ADK: variants seen among roughly 807,000 people sequenced by gnomAD.
The protein encoded by ADK is adenosine kinase, also known as N6,N6-dimethyladenosine kinase.
A neutral mutation model predicts 44.7 loss-of-function variants in ADK; 24 were observed. That is an observed-to-expected ratio of 0.54 (90% confidence interval 0.39 to 0.76). The LOEUF is 0.76. ADK is among the 30% of genes least tolerant of loss of function. The pLI is 0.00. For missense variants in ADK, 321 were observed against 425.1 expected (o/e 0.76, Z 2.15); for synonymous variants, 128 against 142.6 (o/e 0.90, Z 0.73).
intron 5 of ADK, among the ~76,000 whole-genome samples, chr10:74,396,606 C>G (rs758551461): frequency 2.0e-5 from 3 of 152,132 alleles, no homozygotes; most frequent in Non-Finnish European, 2.9e-5. Context: ...CTTTCTTGAT[C>G]CAGGTTCTTC....
At chr10:74,455,741 C>T (rs1210490676) in intron 6 of ADK, among the ~76,000 whole-genome samples, 1 of 152,044 alleles carries the variant, frequency 6.6e-6, no homozygotes, top group African/African-American at 2.4e-5. Flanking sequence ...ATCTCTTGAC[C>T]TCGTGATCCT....
At chr10:74,580,731 G>C (rs1426206809) in intron 7 of ADK, among the ~76,000 whole-genome samples, 1 of 152,064 alleles carries the variant, frequency 6.6e-6, no homozygotes, top group African/African-American at 2.4e-5. Flanking sequence ...TCTTTCTTTT[G>C]TAAACTGCCC....
intron 3 of ADK, among the ~76,000 whole-genome samples, chr10:74,226,614 A>T (rs1304224171): frequency 6.6e-6 from 1 of 151,348 alleles, no homozygotes; most frequent in Admixed American, 6.6e-5. Context: ...CAACACATAT[A>T]CCATTAACTA....
chr10:74,262,985 A>G (rs2132380181), intron 3 of ADK, among the ~76,000 whole-genome samples: 1 of 152,326 alleles, frequency 6.6e-6, no homozygotes, highest in South Asian at 2.1e-4. Context: ...ATTGTTGCAA[A>G]ACATAAACAT....
chr10:74,674,868 T>C (rs753317939), intron 10 of ADK, among the ~76,000 whole-genome samples: 5 of 148,608 alleles, frequency 3.4e-5, no homozygotes, highest in Non-Finnish European at 5.9e-5. Flanking sequence ...GGTGACAGAG[T>C]GAGACCCTGT....
At chr10:74,374,005 G>T (rs757160123) in intron 4 of ADK, among the ~76,000 whole-genome samples, 2 of 152,068 alleles carry the variant, frequency 1.3e-5, no homozygotes, top group African/African-American at 2.4e-5. Flanking sequence ...TGAAAATATC[G>T]TGCTAAATGA....
chr10:74,408,693 A>G (rs1350694540), intron 6 of ADK, among the ~76,000 whole-genome samples: 2 of 152,206 alleles, frequency 1.3e-5, no homozygotes, highest in African/African-American at 4.8e-5. Context: ...TTGTATATGT[A>G]TTATATTCTG....
chr10:74,605,747 C>T (rs992323809), intron 9 of ADK, among the ~76,000 whole-genome samples: 2 of 152,156 alleles, frequency 1.3e-5, no homozygotes, highest in Non-Finnish European at 2.9e-5. Flanking sequence ...CAGGATGATG[C>T]TGGCCTCATA....
intron 7 of ADK, among the ~76,000 whole-genome samples, chr10:74,532,892 T>G (rs1244174081): frequency 7.7e-6 from 1 of 129,166 alleles, no homozygotes. Flanking sequence ...TGCACTCCAG[T>G]CTGGGCGACA....
At chr10:74,503,284 G>A (rs1375458334) in intron 6 of ADK, among the ~76,000 whole-genome samples, 2 of 152,138 alleles carry the variant, frequency 1.3e-5, no homozygotes, top group African/African-American at 2.4e-5. Context: ...CACCAGCAAA[G>A]GAAAGGATAT....
chr10:74,275,432 T>A (rs1846637052), intron 3 of ADK, among the ~76,000 whole-genome samples: 1 of 152,110 alleles, frequency 6.6e-6, no homozygotes, highest in Admixed American at 6.6e-5. Flanking sequence ...TGCCCCTTTA[T>A]TAACTAGGAC....
chr10:74,160,446 C>G (rs767297922), intron 1 of ADK, among the ~76,000 whole-genome samples: 2 of 152,190 alleles, frequency 1.3e-5, no homozygotes, highest in African/African-American at 2.4e-5. Flanking sequence ...GTACCTCTGC[C>G]GATGCTTTAC....
At chr10:74,450,218 G>A (rs146315745) in intron 6 of ADK, among the ~76,000 whole-genome samples, 4 of 152,316 alleles carry the variant, frequency 2.6e-5, no homozygotes, top group African/African-American at 9.6e-5. Context: ...GGAAGCTCAG[G>A]TGGAGGATCA....
At chr10:74,700,047 C>T (rs1310275964) in intron 10 of ADK, among the ~76,000 whole-genome samples, 3 of 152,106 alleles carry the variant, frequency 2.0e-5, no homozygotes, top group African/African-American at 7.2e-5. Context: ...TGAAGATACG[C>T]CCCTAATAAC....
chr10:74,229,718 G>A (rs903076568), intron 3 of ADK, among the ~76,000 whole-genome samples: 2 of 152,040 alleles, frequency 1.3e-5, no homozygotes, highest in African/African-American at 4.8e-5. Flanking sequence ...TAAATTAATT[G>A]TTAATGCTGT....
chr10:74,566,814 G>A (rs1850684284), intron 7 of ADK, among the ~76,000 whole-genome samples: 1 of 152,152 alleles, frequency 6.6e-6, no homozygotes, highest in Admixed American at 6.5e-5. Context: ...ATCTTTTCCT[G>A]TTACCTTTTA....
chr10:74,308,044 T>A (rs536339937), intron 3 of ADK, among the ~76,000 whole-genome samples: 1 of 152,338 alleles, frequency 6.6e-6, no homozygotes, highest in South Asian at 2.1e-4. Context: ...TTTTGTTGTG[T>A]TCTTACAATG....
intron 3 of ADK, among the ~76,000 whole-genome samples, chr10:74,269,405 G>A (rs1228403228): frequency 1.3e-5 from 2 of 152,074 alleles, no homozygotes; most frequent in Non-Finnish European, 2.9e-5. Flanking sequence ...CTTTATACTG[G>A]TGTCTTTTAT....
chr10:74,419,362 T>C (rs769528146), intron 6 of ADK, among the ~76,000 whole-genome samples: 7 of 152,136 alleles, frequency 4.6e-5, no homozygotes, highest in Non-Finnish European at 7.3e-5. Context: ...TTTTAGGGTG[T>C]GATAAAGCAT....
Sources: allele counts gnomAD v4.1 joint callset (sites outside exome capture counted in the v4.1 genomes callset), GRCh38; gene constraint gnomAD v4.1.1; transcripts MANE v1.5; gene names NCBI Gene and HGNC (gene_info 2026-07-23, HGNC 2026-07-21).